Variants in PPP3CC observed in about 807,000 individuals in gnomAD.
PPP3CC encodes protein phosphatase 3 catalytic subunit gamma.
A neutral mutation model predicts 60.3 loss-of-function variants in PPP3CC; 35 were observed. That is an observed-to-expected ratio of 0.58 (90% CI 0.44 to 0.77). PPP3CC has a LOEUF of 0.77. Among genes scored for constraint, PPP3CC ranks in the 30% least tolerant of loss-of-function variants. PPP3CC has a pLI of 0.00. For synonymous variants in PPP3CC, 206 were observed against 224.3 expected (o/e 0.92, Z 0.73); for missense variants, 570 against 628.9 (o/e 0.91, Z 1.00).
At chr8:22,521,066 C>A (rs1839393210) in intron 6 of PPP3CC, among the ~76,000 whole-genome samples, 1 of 152,156 alleles carries the variant, frequency 6.6e-6, no homozygotes, top group Non-Finnish European at 1.5e-5. Flanking sequence ...AGTGGGCGTA[C>A]CACTAGGGGC....
chr8:22,463,044 G>T (rs1268555723), intron 1 of PPP3CC, among the ~76,000 whole-genome samples: 2 of 151,970 alleles, frequency 1.3e-5, no homozygotes, highest in Non-Finnish European at 2.9e-5. Context: ...CCCATATTTG[G>T]TTTATATTTT....
intron 1 of PPP3CC, among the ~76,000 whole-genome samples, chr8:22,466,935 G>A (rs1837540044): frequency 1.3e-5 from 2 of 152,112 alleles, no homozygotes; most frequent in Non-Finnish European, 1.5e-5. Flanking sequence ...TGTAGAGATG[G>A]GGGTCTCACC....
At chr8:22,536,840 A>C (rs1382966933) in intron 12 of PPP3CC, among the ~76,000 whole-genome samples, 1 of 152,232 alleles carries the variant, frequency 6.6e-6, no homozygotes, top group African/African-American at 2.4e-5. Context: ...TGGCCATGTA[A>C]CATACATTCA....
chr8:22,487,308 G>C (rs893835722), intron 3 of PPP3CC, among the ~76,000 whole-genome samples: 8 of 152,160 alleles, frequency 5.3e-5, no homozygotes, highest in Non-Finnish European at 1.2e-4. Flanking sequence ...GACTTTTGGT[G>C]TTCCCTCTTC....
At chr8:22,472,915 G>A (rs1378884757) in intron 1 of PPP3CC, among the ~76,000 whole-genome samples, 3 of 151,804 alleles carry the variant, frequency 2.0e-5, no homozygotes, top group Admixed American at 6.6e-5. Context: ...TGGCTATAAC[G>A]TTACTAGATG....
At position 22,522,657 on chromosome 8, in the gene PPP3CC, A is replaced by G; in HGVS notation, c.851A>G (p.Tyr284Cys). Residue 284 changes from tyrosine to cysteine, a missense_variant and splice_region_variant, in exon 8 of 14, where the codon TAT becomes TGT. By Grantham distance (194) the Tyr-to-Cys change is radical. Coordinates refer to ENST00000240139, the MANE Select transcript of PPP3CC (RefSeq NM_005605.5). ...IRAHEAQDAG[Y>C]RMYRKSQATG... Reference sequence around the variant, plus strand: ...ATGGACTTTCATCTCTTTTTCAGGTATCGAATGTACAGGAAGAGCCAAGCC... The same window carrying G: ...ATGGACTTTCATCTCTTTTTCAGGTGTCGAATGTACAGGAAGAGCCAAGCC... 1.2e-6 allele frequency: 2 copies of G among 1,602,828 alleles called. No homozygotes were observed. Among genetic ancestry groups the G allele is most frequent in the Non-Finnish European group, 1.7e-6 (2 of 1,171,614 alleles).
intron 8 of PPP3CC, among the ~76,000 whole-genome samples, chr8:22,526,530 C>T (rs1563782611): frequency 6.6e-6 from 1 of 152,046 alleles, no homozygotes; most frequent in Non-Finnish European, 1.5e-5. Flanking sequence ...CATTCAATAA[C>T]TTAAATTTTA....
chr8:22,449,953 G>A (rs1382698377), intron 1 of PPP3CC, among the ~76,000 whole-genome samples: 1 of 148,422 alleles, frequency 6.7e-6, no homozygotes, highest in Non-Finnish European at 1.5e-5. Flanking sequence ...TGCAACCTCT[G>A]TCTCCCGGGT....
Position 22,528,510 on chromosome 8 carries a change from A to G in PPP3CC, c.1074A>G (p.Thr358=). The G allele has an allele frequency of 6.5e-7, 1 of 1,538,106 alleles. No individual in the cohort carries two copies. Among genetic ancestry groups the G allele is most frequent in the Non-Finnish European group, 8.8e-7 (1 of 1,135,912 alleles). ...GGATTATTTTGTCTTACTTAGTCAC[A>G]GAGATGCTGGTAAATGTGCTCAACA... The part of the protein sequence containing the change: ...WSLPFVGEKV[T]EMLVNVLNIC... The change falls in exon 10 of 14, where the codon ACA becomes ACG. Residue 358 remains threonine (T), a synonymous_variant. Transcript: ENST00000240139.
chr8:22,471,965 A>G (rs909207772), intron 1 of PPP3CC, among the ~76,000 whole-genome samples: 2 of 152,010 alleles, frequency 1.3e-5, no homozygotes, highest in Non-Finnish European at 2.9e-5. Flanking sequence ...CATCTCTACA[A>G]AAAATACAAA....
At chr8:22,533,234 C>G (rs370537617) in intron 12 of PPP3CC, among the ~76,000 whole-genome samples, 43 of 152,250 alleles carry the variant, frequency 2.8e-4, no homozygotes, top group African/African-American at 1.0e-3. Context: ...AACAGTAAAA[C>G]AAGAAGAAAG....
intron 3 of PPP3CC, among the ~76,000 whole-genome samples, chr8:22,483,022 A>G (rs1031683728): frequency 1.4e-4 from 21 of 152,220 alleles, no homozygotes; most frequent in African/African-American, 5.1e-4. Context: ...AGGGAATAAT[A>G]TATGACTTGC....
At chr8:22,514,514 G>A (rs904214270) in intron 6 of PPP3CC, among the ~76,000 whole-genome samples, 63 of 151,464 alleles carry the variant, frequency 4.2e-4, no homozygotes, top group African/African-American at 1.5e-3. Context: ...GTACATAGTA[G>A]GTATATATAT....
rs1388954486 is a variant in PPP3CC, at chr8:22,447,023, T to TG, written c.49+5570dup. 2.0e-5 allele frequency among the ~76,000 whole-genome samples: 3 copies of TG among 151,802 alleles called. No individual in the cohort carries two copies. The East Asian group carries it at 5.8e-4, about 29-fold the overall frequency. On this transcript the variant is annotated intron_variant, in intron 1 of 13. Transcript: ENST00000240139. ...AATGCCCGTTTATAGTTTTTTTTGG[T>TG]GGGGGACAGGGTCTCGCTCTGTTGC... is the stretch of plus-strand genomic sequence containing the variant.
At chr8:22,507,375 T>C (rs1400502085) in intron 4 of PPP3CC, among the ~76,000 whole-genome samples, 1 of 152,230 alleles carries the variant, frequency 6.6e-6, no homozygotes, top group African/African-American at 2.4e-5. Flanking sequence ...TCCTAAAATT[T>C]GTCTTGAAAA....
chr8:22,502,316 A>G (rs1838784938), intron 4 of PPP3CC, among the ~76,000 whole-genome samples: 1 of 152,220 alleles, frequency 6.6e-6, no homozygotes, highest in Non-Finnish European at 1.5e-5. Flanking sequence ...ACAAAAAGGT[A>G]ATCTAAATGT....
chr8:22,465,075 A>G (rs1043645859), intron 1 of PPP3CC, among the ~76,000 whole-genome samples: 14 of 149,230 alleles, frequency 9.4e-5, no homozygotes, highest in African/African-American at 3.2e-4. Flanking sequence ...CTCCCACCTC[A>G]GCCGCCCAAG....
At chr8:22,467,608 T>G (rs1302617590) in intron 1 of PPP3CC, among the ~76,000 whole-genome samples, 1 of 152,048 alleles carries the variant, frequency 6.6e-6, no homozygotes, top group Non-Finnish European at 1.5e-5. Flanking sequence ...ATTTTTTATT[T>G]TTAGTAGAGA....
intron 3 of PPP3CC, among the ~76,000 whole-genome samples, chr8:22,479,969 G>A (rs188521308): frequency 3.9e-4 from 59 of 152,120 alleles, no homozygotes; most frequent in African/African-American, 1.3e-3. Flanking sequence ...CTTGATCTCC[G>A]TTAATAGTTT....
Sources: allele counts gnomAD v4.1 joint callset (sites outside exome capture counted in the v4.1 genomes callset), GRCh38; gene constraint gnomAD v4.1.1; transcripts MANE v1.5; gene names NCBI Gene and HGNC (gene_info 2026-07-23, HGNC 2026-07-21).